The following RTL4 variants were observed in gnomAD, a reference collection of about 807,000 sequenced individuals.
RTL4 encodes the protein retrotransposon Gag-like protein 4.
In RTL4, 4 loss-of-function variants were observed where a neutral mutation model predicts 5.3. The ratio of observed to expected loss-of-function variants is 0.75; its 90% CI spans 0.37 to 1.72. The LOEUF is 1.72. Ranked by LOEUF, RTL4 falls within the 40% of genes most tolerant of loss-of-function variation. RTL4 has a pLI of 0.04. For missense variants in RTL4, 260 were observed against 227.1 expected, an observed-to-expected ratio of 1.14 and a Z score of -0.93; for synonymous variants, 98 against 87.3, an observed-to-expected ratio of 1.12 and a Z score of -0.68.
At chrX:112,262,683 C>A in the RTL4 span, among the ~76,000 whole-genome samples, 134 of 111,498 alleles carry the variant, frequency 1.2e-3, no homozygotes, top group African/African-American at 4.0e-3. Flanking sequence ...ACCCAGTGAT[C>A]CCATTACTGG....
chrX:112,310,058 A>G, the RTL4 span, among the ~76,000 whole-genome samples: 1 of 105,295 alleles, frequency 9.5e-6, no homozygotes, highest in Non-Finnish European at 1.9e-5. Context: ...CTGTCTTAAA[A>G]AAACAGATAC....
chrX:112,333,671 G>T, the RTL4 span, among the ~76,000 whole-genome samples: 2 of 110,345 alleles, frequency 1.8e-5, no homozygotes. Context: ...AAAATTTGTG[G>T]GTATACTCTA....
At chrX:112,412,138 A>G in the RTL4 span, among the ~76,000 whole-genome samples, 4 of 111,721 alleles carry the variant, frequency 3.6e-5, no homozygotes, top group Admixed American at 1.9e-4. Flanking sequence ...AGGAATCAAC[A>G]TAACTAAAGT....
the RTL4 span, among the ~76,000 whole-genome samples, chrX:112,205,620 C>CAT: frequency 9.0e-5 from 10 of 111,230 alleles, no homozygotes; most frequent in African/African-American, 3.3e-4. Flanking sequence ...CACACACACA[C>CAT]ACACACGCAC....
chrX:112,381,173 A>G, the RTL4 span, among the ~76,000 whole-genome samples: 1 of 111,000 alleles, frequency 9.0e-6, no homozygotes, highest in African/African-American at 3.3e-5. Context: ...TTGCAGACGC[A>G]GGTTCCTGAT....
At chrX:112,117,349 T>C in the RTL4 span, among the ~76,000 whole-genome samples, 1 of 109,372 alleles carries the variant, frequency 9.1e-6, no homozygotes, top group Non-Finnish European at 1.9e-5. Flanking sequence ...TTTGACTACA[T>C]AATCTTAAAA....
the RTL4 span, among the ~76,000 whole-genome samples, chrX:112,151,593 G>A: frequency 8.9e-6 from 1 of 112,140 alleles, no homozygotes; most frequent in African/African-American, 3.2e-5. Context: ...TGTCAGTGCT[G>A]AATGTCTTTT....
the RTL4 span, among the ~76,000 whole-genome samples, chrX:112,169,360 C>T: frequency 1.5e-4 from 17 of 110,100 alleles, no homozygotes; most frequent in Admixed American, 3.9e-4. Flanking sequence ...GTGATCCACC[C>T]GCCTCGGCCT....
chrX:112,364,518 C>G, the RTL4 span, among the ~76,000 whole-genome samples: 1 of 111,735 alleles, frequency 8.9e-6, no homozygotes, highest in Non-Finnish European at 1.9e-5. Flanking sequence ...AATACAACAT[C>G]TCACTGAGAT....
the RTL4 span, among the ~76,000 whole-genome samples, chrX:112,215,174 A>G: frequency 8.9e-6 from 1 of 111,780 alleles, no homozygotes; most frequent in African/African-American, 3.2e-5. Context: ...GGGTTCATGT[A>G]TCATGTTGAT....
chrX:112,421,201 C>G, the RTL4 span, among the ~76,000 whole-genome samples: 20 of 111,630 alleles, frequency 1.8e-4, no homozygotes, highest in Non-Finnish European at 3.6e-4. Context: ...AGTTTATTGA[C>G]TAAAACTGGA....
the RTL4 span, among the ~76,000 whole-genome samples, chrX:112,209,088 G>T: frequency 8.9e-6 from 1 of 111,858 alleles, no homozygotes; most frequent in Non-Finnish European, 1.9e-5. Flanking sequence ...AAGACTGAGT[G>T]GTGTCCATAG....
chrX:112,151,952 G>A, the RTL4 span, among the ~76,000 whole-genome samples: 2 of 112,063 alleles, frequency 1.8e-5, no homozygotes, highest in Non-Finnish European at 3.8e-5. Flanking sequence ...CTTATTGAGA[G>A]TCTGATTAAA....
chrX:112,166,483 C>T, the RTL4 span, among the ~76,000 whole-genome samples: 1 of 111,332 alleles, frequency 9.0e-6, no homozygotes, highest in African/African-American at 3.3e-5. Flanking sequence ...TTTTGGAGAT[C>T]CCAACTATCA....
the RTL4 span, among the ~76,000 whole-genome samples, chrX:112,114,154 C>T: frequency 5.4e-5 from 6 of 111,551 alleles, no homozygotes; most frequent in African/African-American, 2.0e-4. Context: ...GATTTGCTTC[C>T]TTTCCCTGAG....
the RTL4 span, among the ~76,000 whole-genome samples, chrX:112,315,708 G>T: frequency 1.8e-5 from 2 of 111,283 alleles, no homozygotes; most frequent in African/African-American, 6.5e-5. Context: ...TCTCCTTTCA[G>T]TTTTTATCTC....
the RTL4 span, among the ~76,000 whole-genome samples, chrX:112,185,466 G>A: frequency 1.9e-5 from 2 of 104,821 alleles, no homozygotes; most frequent in East Asian, 6.0e-4. Flanking sequence ...CAGAGAGATA[G>A]ATAATCTAAT....
the RTL4 span, among the ~76,000 whole-genome samples, chrX:112,242,123 G>A: frequency 1.8e-5 from 2 of 111,579 alleles, no homozygotes; most frequent in East Asian, 5.6e-4. Flanking sequence ...TTGAAGTCAG[G>A]TAGCGTGATG....
the RTL4 span, among the ~76,000 whole-genome samples, chrX:112,352,233 A>C: frequency 9.0e-6 from 1 of 111,275 alleles, no homozygotes; most frequent in African/African-American, 3.3e-5. Flanking sequence ...CTGCTGAGAG[A>C]TCTGCTGTTA....
Sources: gnomAD v4.1 joint callset for allele counts (sites outside exome capture counted in the v4.1 genomes callset) on GRCh38, gnomAD v4.1.1 for gene constraint, MANE v1.5 for transcripts, NCBI Gene and HGNC (gene_info 2026-07-23, HGNC 2026-07-21) for gene names.